The following CEP152 variants were observed in gnomAD, a reference collection of about 807,000 sequenced individuals.
CEP152 encodes centrosomal protein of 152 kDa.
Under a neutral mutation model 188.9 loss-of-function variants are expected in CEP152, and 132 were observed. The ratio of observed to expected loss-of-function variants is 0.70; its 90% CI spans 0.61 to 0.81. CEP152 has a LOEUF of 0.81. Among genes scored for constraint, CEP152 ranks in the 30% least tolerant of loss-of-function variants. The probability of loss-of-function intolerance (pLI) is 0.00; values close to 1 mark genes in which losing one functional copy is unlikely to be tolerated. For synonymous variants in CEP152, 649 were observed against 666.6 expected (o/e 0.97, Z 0.41); for missense variants, 1,914 against 1,969.8 (o/e 0.97, Z 0.54).
At chr15:48,752,679 C>T (rs1893964632) in intron 20 of CEP152, among the ~76,000 whole-genome samples, 1 of 152,108 alleles carries the variant, frequency 6.6e-6, no homozygotes, top group Non-Finnish European at 1.5e-5. Context: ...CAAATAAGAA[C>T]ACTGTCTGAC....
At position 48,755,829 on chromosome 15, in the gene CEP152, AG is replaced by A. The variant is rs1894216768; in HGVS notation, c.3345+73del. ...ATCTACTAAAATTTAAAAGGAAAAA[AG>A]GAAAAAACACTATATACAACTTCTA... is the stretch of plus-strand genomic sequence containing the variant. On this transcript the variant is annotated intron_variant, in intron 20 of 26. Transcript: ENST00000380950. 3.1e-6 allele frequency: 5 copies of A among 1,594,514 alleles called. 1 individual carries two copies.
At chr15:48,758,474 T>C (rs1191293009) in intron 19 of CEP152, among the ~76,000 whole-genome samples, 1 of 152,050 alleles carries the variant, frequency 6.6e-6, no homozygotes, top group Non-Finnish European at 1.5e-5. Context: ...TCCCAGCACT[T>C]TGGGAGGCCG....
chr15:48,790,712 A>G (rs1896939667), intron 8 of CEP152, among the ~76,000 whole-genome samples: 1 of 152,194 alleles, frequency 6.6e-6, no homozygotes, highest in African/African-American at 2.4e-5. Context: ...GATTACAGGC[A>G]TCTGCCACCA....
intron 2 of CEP152, among the ~76,000 whole-genome samples, chr15:48,802,203 T>C (rs1252396868): frequency 1.3e-5 from 2 of 152,186 alleles, no homozygotes; most frequent in African/African-American, 4.8e-5. Context: ...ATGAGTGAGT[T>C]AATACAAGAG....
At chr15:48,809,647 G>T (rs1898203749) in intron 1 of CEP152, among the ~76,000 whole-genome samples, 1 of 152,132 alleles carries the variant, frequency 6.6e-6, no homozygotes, top group South Asian at 2.1e-4. Context: ...AACTGTTTCT[G>T]CTTCTACGTT....
rs563512718 is a variant in CEP152, at chr15:48,792,886, G to A, written c.832+435C>T. 3.3e-5 allele frequency among the ~76,000 whole-genome samples: 5 copies of A among 151,066 alleles called. No individual in the cohort carries two copies. In the South Asian group the frequency reaches 6.3e-4, roughly 19 times the overall value. On this transcript the variant is annotated intron_variant, in intron 7 of 26. Transcript: ENST00000380950. Reference sequence around the variant, plus strand: ...GCCTGAAGTGCAATGGCGCTTTCTCGGCTCACTGCAACCTCCGCCTGCAGG... The same window carrying A: ...GCCTGAAGTGCAATGGCGCTTTCTCAGCTCACTGCAACCTCCGCCTGCAGG...
At chr15:48,769,203 A>G (rs1353938152) in intron 13 of CEP152, 122 bp from the exon 14 acceptor site, 6 of 730,298 alleles carry the variant, frequency 8.2e-6, no homozygotes, top group South Asian at 1.8e-5. Flanking sequence ...GCTTTTACTC[A>G]TCTTCCCCCA....
intron 12 of CEP152, among the ~76,000 whole-genome samples, chr15:48,773,797 T>C (rs528521828): frequency 6.6e-6 from 1 of 152,286 alleles, no homozygotes; most frequent in Non-Finnish European, 1.5e-5. Context: ...TCCAAGTAAC[T>C]TGTGTGTCAC....
chr15:48,747,486 T>A (rs1209407855), intron 22 of CEP152, among the ~76,000 whole-genome samples: 1 of 152,056 alleles, frequency 6.6e-6, no homozygotes, highest in South Asian at 2.1e-4. Flanking sequence ...ATGGTGATAA[T>A]AGAGGAAGAG....
intron 12 of CEP152, among the ~76,000 whole-genome samples, chr15:48,780,649 T>C (rs933297859): frequency 2.6e-5 from 4 of 152,194 alleles, no homozygotes; most frequent in Non-Finnish European, 5.9e-5. Context: ...CCAAAACCAG[T>C]ACAGGAAATG....
intron 23 of CEP152, among the ~76,000 whole-genome samples, chr15:48,744,671 C>T (rs977609906): frequency 1.6e-4 from 24 of 151,996 alleles, no homozygotes; most frequent in African/African-American, 5.8e-4. Flanking sequence ...ACTATAGCCT[C>T]AATTTTAAAA....
intron 2 of CEP152, among the ~76,000 whole-genome samples, chr15:48,801,374 C>T (rs922908266): frequency 2.0e-5 from 3 of 152,172 alleles, no homozygotes; most frequent in Non-Finnish European, 4.4e-5. Flanking sequence ...ATGCTGAGCT[C>T]AATGGAGCTT....
intron 2 of CEP152, among the ~76,000 whole-genome samples, chr15:48,799,187 C>T (rs1567031019): frequency 2.0e-5 from 3 of 151,660 alleles, no homozygotes; most frequent in Admixed American, 1.3e-4. Context: ...GCTCCCTGGT[C>T]TATAGCATTT....
Position 48,756,310 on chromosome 15 carries a change from G to A in CEP152, c.2938C>T (p.Arg980Trp), listed in dbSNP as rs778065963. ...RIQEQNEQDY[R>W]QFLDDHRNKI... ...TTTCGGTGATCATCTAAAAATTGCC[G>A]GTAATCTTGCTCATTTTGTTCTTGG... The change falls in exon 20 of 27, where the codon CGG becomes TGG. Residue 980 changes from arginine (R) to tryptophan (W), a missense_variant. Physicochemically the swap from Arg to Trp is moderately radical, Grantham distance 101. Coordinates refer to ENST00000380950, the MANE Select transcript of CEP152 (RefSeq NM_001194998.2). 68 of 1,575,024 alleles carry A rather than the reference G, an allele frequency of 4.3e-5. No individual in the cohort carries two copies. The highest frequency in any genetic ancestry group is 1.5e-4 in the Admixed American group (8 of 53,016).
At chr15:48,796,285 T>C in intron 5 of CEP152, 125 bp from the exon 6 acceptor site, 1 of 717,686 alleles carries the variant, frequency 1.4e-6, no homozygotes, top group South Asian at 1.5e-5. Flanking sequence ...GTTGTTTATA[T>C]ATATACACAC....
intron 12 of CEP152, among the ~76,000 whole-genome samples, chr15:48,776,562 A>T (rs1182979368): frequency 2.0e-5 from 3 of 152,174 alleles, no homozygotes; most frequent in Non-Finnish European, 4.4e-5. Context: ...AAGGATGCTT[A>T]TAACAATGAT....
downstream of CEP152, among the ~76,000 whole-genome samples, chr15:48,732,971 G>C (rs1221556099): frequency 1.3e-5 from 2 of 151,898 alleles, no homozygotes; most frequent in Non-Finnish European, 2.9e-5. Context: ...TACACCTGTA[G>C]TCCCAGCTAC....
In CEP152 at chr15:48,742,001, C is replaced by T. The variant is rs763565731; in HGVS notation, c.3935G>A (p.Arg1312His). Residue 1312 changes from arginine (R) to histidine (H), a missense_variant, in exon 25 of 27, where the codon CGC becomes CAC. Coordinates refer to ENST00000380950, the MANE Select transcript of CEP152 (RefSeq NM_001194998.2). ...RERQETARKMRKYYLICLQQI... is the reference protein window; with the variant it reads ...RERQETARKMHKYYLICLQQI... ...TTGGAGGCAAATCAAATAATATTTG[C>T]GCATCTTTCGGGCGGTTTCTTGACG... is the stretch of plus-strand genomic sequence containing the variant. The T allele has an allele frequency of 9.9e-6, 16 of 1,614,026 alleles. No homozygotes were observed. The East Asian group carries it at 1.1e-4, about 11-fold the overall frequency.
In CEP152 at chr15:48,738,292, T is replaced by G. The variant is rs775199944; in HGVS notation, c.5090A>C (p.Gln1697Pro). 15 of 1,613,880 alleles carry G rather than the reference T, an allele frequency of 9.3e-6. No homozygotes were observed. Among genetic ancestry groups the G allele is most frequent in the Non-Finnish European group, 1.2e-5 (14 of 1,179,886 alleles). The change falls in exon 27 of 27, where the codon CAA (glutamine) becomes CCA (proline). Residue 1697 changes from glutamine to proline, a missense_variant. Transcript: ENST00000380950. ...TGGGCTATCAAAGCCACTATCTTGT[T>G]GGCTAGATAGCGGAACAATTAATTT... ...SRKLIVPLSS[Q>P]QDSGFDSPFV... is the part of the protein sequence containing the mutation.
Sources: gnomAD v4.1 joint callset for allele counts (sites outside exome capture counted in the v4.1 genomes callset) on GRCh38, gnomAD v4.1.1 for gene constraint, MANE v1.5 for transcripts, NCBI Gene and HGNC (gene_info 2026-07-23, HGNC 2026-07-21) for gene names.